OTOF: variants seen among roughly 807,000 people sequenced by gnomAD.
The protein encoded by OTOF is fer-1-like family member 2.
OTOF carries 218 observed loss-of-function variants against 236.8 expected under a neutral mutation model. The ratio of observed to expected loss-of-function variants is 0.92; its 90% CI spans 0.82 to 1.03. The LOEUF (loss-of-function observed/expected upper bound fraction) is 1.03. OTOF is among the 50% of genes least tolerant of loss of function. OTOF has a pLI of 0.00. For missense variants in OTOF, 2,590 were observed against 2,694.4 expected (o/e 0.96, Z 0.86); for synonymous variants, 1,041 against 1,072.5 (o/e 0.97, Z 0.57).
In OTOF at chr2:26,479,643, C is replaced by T; in HGVS notation, c.1923G>A (p.Gly641=). 6.2e-7 allele frequency: 1 copy of T among 1,612,496 alleles called. No individual in the cohort carries two copies. The highest frequency in any genetic ancestry group is 1.1e-5 in the South Asian group (1 of 91,062). The change falls in exon 17 of 47, where the codon GGG becomes GGA. Residue 641 remains glycine (G), a synonymous_variant. Coordinates refer to ENST00000272371, the MANE Select transcript of OTOF (RefSeq NM_194248.3). ...GCCGGGACAGGCCATCAACTTCGTTCCCATAGTTGCCTGGAGCAGAATGGG... is the reference window on the plus strand; with the variant it reads ...GCCGGGACAGGCCATCAACTTCGTTTCCATAGTTGCCTGGAGCAGAATGGG... ...ITFEVTIGNY[G]NEVDGLSRPQ...
intron 12 of OTOF, among the ~76,000 whole-genome samples, chr2:26,483,952 G>A (rs994454372): frequency 1.4e-4 from 21 of 152,198 alleles, no homozygotes; most frequent in African/African-American, 4.8e-4. Context: ...ATTGGGATAT[G>A]ATCTTAGTAT....
At chr2:26,508,742 T>C (rs1472778760) in intron 5 of OTOF, among the ~76,000 whole-genome samples, 1 of 152,246 alleles carries the variant, frequency 6.6e-6, no homozygotes, top group Non-Finnish European at 1.5e-5. Context: ...TATTTCCATT[T>C]ATCTCTTCTC....
intron 46 of OTOF, among the ~76,000 whole-genome samples, chr2:26,459,649 G>C (rs900113711): frequency 1.3e-5 from 2 of 152,092 alleles, no homozygotes; most frequent in African/African-American, 4.8e-5. Flanking sequence ...TGGAAATTTG[G>C]AAACCTTGGC....
intron 30 of OTOF, among the ~76,000 whole-genome samples, chr2:26,472,122 A>G (rs6740581): frequency 0.039 from 5,845 of 150,774 alleles, 165 homozygotes; most frequent in East Asian, 0.15. Context: ...TGCACACCAC[A>G]CGCACGCACG....
rs1381337268 is a variant in OTOF, at chr2:26,484,476, C to A, written c.1203G>T (p.Glu401Asp). Residue 401 changes from glutamate (E) to aspartate (D), a missense_variant and splice_region_variant, in exon 12 of 47, where the codon GAG becomes GAT. Glu to Asp is a conservative substitution (Grantham distance 45). This residue lies in a region of OTOF where 1,379 missense variants were observed against 1,341.6 expected (regional missense o/e 1.03). Coordinates refer to ENST00000272371, the MANE Select transcript of OTOF (RefSeq NM_194248.3). ...GGGCTGGGGTAGCTGGGCCTCACCC[C>A]TCAATGTCATCTTCGTCGGTCTCAT... ...KANETDEDDI[E>D]GNLLLPEGVP... The A allele has an allele frequency of 6.2e-7, 1 of 1,613,858 alleles. No homozygotes were observed. The highest frequency in any genetic ancestry group is 8.5e-7 in the Non-Finnish European group (1 of 1,180,020).
In OTOF at chr2:26,489,693, C is replaced by T. The variant is rs41288779; in HGVS notation, c.945G>A (p.Lys315=). 0.066 allele frequency: 105,988 copies of T among 1,612,408 alleles called. 3,853 individuals are homozygous for T. The highest frequency in any genetic ancestry group is 0.11 in the African/African-American group (8,600 of 75,020). The part of the protein sequence containing the change: ...FHVSPDVMFD[K]IIKISVIHSK... ...CCCCACTCACCGAAATCTTGATGAT[C>T]TTGTCAAACATGACATCCGGAGAGA... is the stretch of plus-strand genomic sequence containing the variant. The change falls in exon 10 of 47, where the codon AAG becomes AAA. Residue 315 remains lysine (K), a synonymous_variant. Transcript: ENST00000272371.
Position 26,465,685 on chromosome 2 carries a change from G to A in OTOF, c.4786C>T (p.Gln1596Ter). 1 of 1,614,274 alleles carries A rather than the reference G, an allele frequency of 6.2e-7. No individual in the cohort carries two copies. The change falls in exon 38 of 47, where the codon CAG becomes TAG. Residue 1596 changes from glutamine (Q) to a stop codon, truncating the protein, a stop_gained. Coordinates refer to ENST00000272371, the MANE Select transcript of OTOF (RefSeq NM_194248.3). LOFTEE classifies it high-confidence loss of function. ...TGCCCCACATACGTGGAGTAGGTCT[G>A]GGCGATGCCGCAGGTGGCGCGGTGC... ...SKHRATCGIA[Q>*]TYSTHGYNIW...
At chr2:26,503,995 T>C in intron 5 of OTOF, 150 bp from the exon 6 acceptor site, 1 of 714,122 alleles carries the variant, frequency 1.4e-6, no homozygotes, top group East Asian at 2.7e-5. Flanking sequence ...GATCGGGATC[T>C]GTCTTCCCAA....
At position 26,473,015 on chromosome 2, in the gene OTOF, C is replaced by A; in HGVS notation, c.3733+117G>T. 8.8e-7 allele frequency: 1 copy of A among 1,140,048 alleles called. No individual in the cohort carries two copies. 70.6% of individuals were successfully genotyped at this position (1,140,048 alleles called of 1,614,324 possible). A position where few individuals can be genotyped will look rare whatever the true frequency, so the allele number is the denominator to read the frequency against. ...CCACCAGGGTGACCTTCTTCTATGCCCACCCCCTCGGCCCCAAAGAGCAAA... is the reference window on the plus strand; with the variant it reads ...CCACCAGGGTGACCTTCTTCTATGCACACCCCCTCGGCCCCAAAGAGCAAA... On this transcript the variant is annotated intron_variant, in intron 29 of 46. Coordinates refer to ENST00000272371, the MANE Select transcript of OTOF (RefSeq NM_194248.3). The surrounding 1 kb of genome is among the most constrained non-coding windows in gnomAD (Gnocchi z 7.2).
In OTOF at chr2:26,495,958, C is replaced by G. The variant is rs112147926; in HGVS notation, c.766-885G>C. 9.6e-3 allele frequency among the ~76,000 whole-genome samples: 1,456 copies of G among 152,334 alleles called. 22 individuals carry two copies. The highest frequency in any genetic ancestry group is 0.032 in the African/African-American group (1,312 of 41,568). Reference sequence around the variant, plus strand: ...TTGCATTTCTGGAATTTGGCTCCCCCCCCTTTCCACATTGTTTGCTGAATT... The same window carrying G: ...TTGCATTTCTGGAATTTGGCTCCCCGCCCTTTCCACATTGTTTGCTGAATT... On this transcript the variant is annotated intron_variant, in intron 8 of 46. Coordinates refer to ENST00000272371, the MANE Select transcript of OTOF (RefSeq NM_194248.3).
chr2:26,530,911 G>A (rs1234555936), intron 2 of OTOF, among the ~76,000 whole-genome samples: 4 of 152,194 alleles, frequency 2.6e-5, no homozygotes, highest in South Asian at 4.1e-4. Context: ...CTTGGCTGGA[G>A]GGAAGTGACT....
intron 3 of OTOF, among the ~76,000 whole-genome samples, chr2:26,523,746 G>A (rs562663288): frequency 6.6e-6 from 1 of 152,176 alleles, no homozygotes; most frequent in South Asian, 2.1e-4. Context: ...CCCAGCAGTG[G>A]CCATGGCTTT....
intron 2 of OTOF, among the ~76,000 whole-genome samples, chr2:26,531,051 C>T (rs1189671614): frequency 2.6e-5 from 4 of 152,278 alleles, no homozygotes; most frequent in Non-Finnish European, 5.9e-5. Context: ...TTTTCAGTGG[C>T]TCCTCTACAG....
chr2:26,474,876 G>A (rs1484773081), intron 25 of OTOF, among the ~76,000 whole-genome samples: 1 of 152,000 alleles, frequency 6.6e-6, no homozygotes, highest in Non-Finnish European at 1.5e-5. Flanking sequence ...GCCCGGCTCA[G>A]GACTAGACAT....
intron 8 of OTOF, among the ~76,000 whole-genome samples, chr2:26,497,080 T>C (rs1343440320): frequency 1.4e-5 from 2 of 145,674 alleles, no homozygotes; most frequent in Non-Finnish European, 3.0e-5. Context: ...TGGACCTCTG[T>C]ACATTCTTCT....
Position 26,477,189 on chromosome 2 carries a change from G to T in OTOF, c.2506C>A (p.Arg836Ser). The change falls in exon 21 of 47, where the codon CGC becomes AGC. Residue 836 changes from arginine (R) to serine (S), a missense_variant. Transcript: ENST00000272371. The surrounding 1 kb of genome is among the most constrained non-coding windows in gnomAD (Gnocchi z 4.7). ...RLCQNFLQKL[R>S]FLADEPQHSI... ...GGCCGCACCTCGTCCGCCAGGAAGC[G>T]CAGCTTCTGCAGGAAGTTCTGGCAC... The T allele has an allele frequency of 6.2e-7, 1 of 1,610,346 alleles. No homozygotes were observed. Among genetic ancestry groups the T allele is most frequent in the Non-Finnish European group, 8.5e-7 (1 of 1,179,472 alleles).
rs377048132 is a variant in OTOF, at chr2:26,463,476, C to T, written c.5192+7G>A. 1.5e-5 allele frequency: 24 copies of T among 1,591,492 alleles called. No homozygotes were observed. The Admixed American group carries it at 1.6e-4, about 10-fold the overall frequency. On this transcript the variant is annotated splice_region_variant and intron_variant, in intron 41 of 46. Coordinates refer to ENST00000272371, the MANE Select transcript of OTOF (RefSeq NM_194248.3). ...AAGGGAGTAGCGCTGGGCCCCAGGC[C>T]GCTCACTTCTTGGGCTTCCGAGGTG...
rs4335905 is a variant in OTOF at position 26,476,258 on chromosome 2, C to A, written c.2736G>T (p.Leu912=). Residue 912 remains leucine, a synonymous_variant, in exon 23 of 47, where the codon CTG becomes CTT. Transcript: ENST00000272371. The stretch of plus-strand genomic sequence containing the variant: ...GTTTGCTGAGGCCCAGCCACAGGTA[C>A]AGCTCCACCTTGGCCTGCACTGTCC... ...AGWTVQAKVE[L]YLWLGLSKQR... is the part of the protein sequence containing the mutation. 5 of 1,606,278 alleles carry A rather than the reference C, an allele frequency of 3.1e-6. No individual in the cohort carries two copies. In the South Asian group the frequency reaches 3.3e-5, roughly 11 times the overall value.
At position 26,527,922 on chromosome 2, in the gene OTOF, T is replaced by C; in HGVS notation, c.139-2A>G. ...GCTGGCCACCGGCCACCGAAATGTCTGGGGAGAGAGGGACAACTGCGGCTT... is the reference window on the plus strand; with the variant it reads ...GCTGGCCACCGGCCACCGAAATGTCCGGGGAGAGAGGGACAACTGCGGCTT... On this transcript the variant is annotated splice_acceptor_variant, in intron 2 of 46. Transcript: ENST00000272371. LOFTEE classifies it high-confidence loss of function. The C allele has an allele frequency of 6.2e-7, 1 of 1,613,042 alleles. No individual in the cohort carries two copies. Among genetic ancestry groups the C allele is most frequent in the Non-Finnish European group, 8.5e-7 (1 of 1,179,022 alleles).
Sources: allele counts gnomAD v4.1 joint callset (sites outside exome capture counted in the v4.1 genomes callset), GRCh38; gene constraint gnomAD v4.1.1; regional missense constraint gnomAD v4.1.1; non-coding constraint Gnocchi (gnomAD v3.1); transcripts MANE v1.5; gene names NCBI Gene and HGNC (gene_info 2026-07-23, HGNC 2026-07-21).